The following NYAP1 variants were observed in gnomAD, a reference collection of about 807,000 sequenced individuals.
NYAP1 encodes neuronal tyrosine phosphorylated phosphoinositide-3-kinase adaptor 1.
In NYAP1, 20 loss-of-function variants were observed where a neutral mutation model predicts 58.6. That is an observed-to-expected ratio of 0.34 (90% CI 0.24 to 0.50). The LOEUF (loss-of-function observed/expected upper bound fraction) is 0.50, where lower values mean the gene tolerates loss of function less well. NYAP1 is among the 20% of genes least tolerant of loss of function. NYAP1 has a pLI of 0.98. For synonymous variants in NYAP1, 572 were observed against 523.1 expected, an observed-to-expected ratio of 1.09 and a Z score of -1.27; for missense variants, 1,150 against 1,194.5, an observed-to-expected ratio of 0.96 and a Z score of 0.55.
Position 100,485,420 on chromosome 7 carries a change from T to A in NYAP1, c.68+41T>A. 1.4e-6 allele frequency: 2 copies of A among 1,480,938 alleles called. No individual in the cohort carries two copies. Among genetic ancestry groups the A allele is most frequent in the South Asian group, 1.2e-5 (1 of 83,016 alleles). 91.7% of individuals were successfully genotyped at this position (1,480,938 alleles called of 1,614,324 possible). On this transcript the variant is annotated intron_variant, in intron 2 of 6. Coordinates refer to ENST00000300179, the MANE Select transcript of NYAP1 (RefSeq NM_173564.4). This position sits in a 1 kb window ranked among gnomAD's most constrained non-coding sequence, Gnocchi z 5.7. ...AGACTGCTCCCTTCCCTTCCGCACC[T>A]CTGCCTGCCCCCTCACTGGGCCACA... is the stretch of plus-strand genomic sequence containing the variant.
rs1799751175 is a variant in NYAP1 at position 100,489,091 on chromosome 7, C to T, written c.1370C>T (p.Ala457Val). Residue 457 changes from alanine to valine, a missense_variant, in exon 4 of 7, where the codon GCC becomes GTC. Ala to Val is a moderately conservative substitution (Grantham distance 64). Transcript: ENST00000300179. ...CTCCCCGGCCCCCCCAAGGACAAGG[C>T]CGTGTCTTACACCATGGTGTACTCG... ...ALLPGPPKDK[A>V]VSYTMVYSAV... The T allele has an allele frequency of 6.4e-7, 1 of 1,564,918 alleles. No individual in the cohort carries two copies. The highest frequency in any genetic ancestry group is 1.3e-5 in the African/African-American group (1 of 74,102).
intron 4 of NYAP1, among the ~76,000 whole-genome samples, 176 bp downstream of exon 4, chr7:100,489,842 C>T (rs1799770158): frequency 6.6e-6 from 1 of 152,106 alleles, no homozygotes; most frequent in Non-Finnish European, 1.5e-5. Context: ...AGACCGGGGT[C>T]CCCCAGTGTG....
chr7:100,486,427 C>G lies in NYAP1; in HGVS notation c.69-394C>G, dbSNP rs577012987. 1.6e-4 allele frequency among the ~76,000 whole-genome samples: 24 copies of G among 152,148 alleles called. No individual in the cohort carries two copies. The highest frequency in any genetic ancestry group is 1.4e-3 in the Admixed American group (22 of 15,278). Reference sequence around the variant, plus strand: ...GCTGGGCAGGAGGGGTAACCAGAGGCCAGGTGTGGGCCACTGTGAGAGTGA... The same window carrying G: ...GCTGGGCAGGAGGGGTAACCAGAGGGCAGGTGTGGGCCACTGTGAGAGTGA... On this transcript the variant is annotated intron_variant, in intron 2 of 6. Coordinates refer to ENST00000300179, the MANE Select transcript of NYAP1 (RefSeq NM_173564.4). The surrounding 1 kb of genome is among the most constrained non-coding windows in gnomAD (Gnocchi z 6.2).
At position 100,494,020 on chromosome 7, in the gene NYAP1, A is replaced by G; in HGVS notation, c.*117A>G. On this transcript the variant is annotated 3_prime_UTR_variant, in exon 7 of 7. Coordinates refer to ENST00000300179, the MANE Select transcript of NYAP1 (RefSeq NM_173564.4). ...ACTACGTGGGAGAGTGCCAGGGAGA[A>G]CCCCTGCCCTCCAACCTACCCCCCG... The G allele has an allele frequency of 1.1e-6, 1 of 934,276 alleles. No homozygotes were observed. The highest frequency in any genetic ancestry group is 2.0e-5 in the South Asian group (1 of 49,528). The allele number at this position is 934,276 out of a possible 1,614,324, so 57.9% of individuals were successfully genotyped here. A position where few individuals can be genotyped will look rare whatever the true frequency, so the allele number is the denominator to read the frequency against.
chr7:100,491,462 C>T (rs1422291610), intron 6 of NYAP1, among the ~76,000 whole-genome samples: 2 of 151,788 alleles, frequency 1.3e-5, no homozygotes, highest in African/African-American at 2.4e-5. Flanking sequence ...TCAGGTGTGC[C>T]GTCGCAAGCC....
intron 6 of NYAP1, among the ~76,000 whole-genome samples, chr7:100,493,435 A>G (rs1332942486): frequency 2.6e-5 from 4 of 152,192 alleles, no homozygotes; most frequent in Non-Finnish European, 5.9e-5. Flanking sequence ...CCTGTCTAGG[A>G]AGACTAGGGA....
At chr7:100,492,994 A>G (rs1362588990) in intron 6 of NYAP1, among the ~76,000 whole-genome samples, 2 of 152,066 alleles carry the variant, frequency 1.3e-5, no homozygotes, top group Admixed American at 1.3e-4. Context: ...AGAAAGCAAG[A>G]AAGAAAAGAG....
intron 6 of NYAP1, among the ~76,000 whole-genome samples, chr7:100,492,398 G>T (rs1232685166): frequency 3.9e-5 from 6 of 152,078 alleles, no homozygotes; most frequent in Non-Finnish European, 8.8e-5. Context: ...ATCAGTCAGG[G>T]CCACCACTAG....
At chr7:100,493,014 AAGGG>A (rs1252829554) in intron 6 of NYAP1, among the ~76,000 whole-genome samples, 2 of 151,908 alleles carry the variant, frequency 1.3e-5, no homozygotes, top group African/African-American at 4.8e-5. Context: ...GAAAGAAAGA[AAGGG>A]AGGAAAGGAG....
At position 100,489,572 on chromosome 7, in the gene NYAP1, GGAA is replaced by G; in HGVS notation, c.1857_1859del (p.Glu621del). Reference sequence around the variant, plus strand: ...TCGCCAGCGCAGGGACACCAGAGGAGGAAGAAGAGGAGGTGGGCGCCGCGACAT... The same window carrying G: ...TCGCCAGCGCAGGGACACCAGAGGAGGAAGAGGAGGTGGGCGCCGCGACAT... On this transcript the variant is annotated inframe_deletion, in exon 4 of 7. Coordinates refer to ENST00000300179, the MANE Select transcript of NYAP1 (RefSeq NM_173564.4). The G allele has an allele frequency of 6.2e-7, 1 of 1,613,332 alleles. No individual in the cohort carries two copies. Among genetic ancestry groups the G allele is most frequent in the Non-Finnish European group, 8.5e-7 (1 of 1,179,966 alleles).
In NYAP1 at chr7:100,493,520, C is replaced by T. The variant is rs1310509704; in HGVS notation, c.2269-126C>T. Reference sequence around the variant, plus strand: ...ACAGCCAGAGGGAGCCAGCAGAGGCCGTTGGGGGGCAAGCAAGGACTTGCT... The same window carrying T: ...ACAGCCAGAGGGAGCCAGCAGAGGCTGTTGGGGGGCAAGCAAGGACTTGCT... On this transcript the variant is annotated intron_variant, in intron 6 of 6. Coordinates refer to ENST00000300179, the MANE Select transcript of NYAP1 (RefSeq NM_173564.4). The T allele has an allele frequency of 3.2e-5, 28 of 878,236 alleles. No homozygotes were observed. The Admixed American group carries it at 7.1e-4, about 22-fold the overall frequency. The allele number at this position is 878,236 out of a possible 1,614,324, so 54.4% of individuals were successfully genotyped here. A position where few individuals can be genotyped will look rare whatever the true frequency, so the allele number is the denominator to read the frequency against.
intron 6 of NYAP1, among the ~76,000 whole-genome samples, chr7:100,492,115 C>G (rs1799804468): frequency 6.7e-6 from 1 of 148,266 alleles, no homozygotes; most frequent in East Asian, 2.0e-4. Flanking sequence ...GGCAGGCACC[C>G]GTAATCCCAG....
At position 100,489,278 on chromosome 7, in the gene NYAP1, C is replaced by T. The variant is rs61385156; in HGVS notation, c.1557C>T (p.Gly519=). 1.4e-3 allele frequency: 2,313 copies of T among 1,599,632 alleles called. 34 individuals are homozygous for T. The African/African-American group carries it at 0.025, about 17-fold the overall frequency. ...GKTSPHGGAM[G]AAAGVLHHRG... ...CCAGCCCCCACGGTGGGGCCATGGG[C>T]GCAGCAGCTGGGGTCCTCCACCACC... The change falls in exon 4 of 7, where the codon GGC becomes GGT. Residue 519 remains glycine, a synonymous_variant. Transcript: ENST00000300179.
Position 100,488,266 on chromosome 7 carries a change from C to G in NYAP1, c.545C>G (p.Pro182Arg), listed in dbSNP as rs202194930. The G allele has an allele frequency of 1.9e-6, 3 of 1,613,864 alleles. No individual in the cohort carries two copies. Among genetic ancestry groups the G allele is most frequent in the Non-Finnish European group, 2.5e-6 (3 of 1,179,926 alleles). Residue 182 changes from proline to arginine, a missense_variant, in exon 4 of 7, where the codon CCA becomes CGA. Physicochemically the swap from Pro to Arg is moderately radical, Grantham distance 103. Transcript: ENST00000300179. The surrounding 1 kb of genome is among the most constrained non-coding windows in gnomAD (Gnocchi z 5.9). ...LSVSFDESCP[P>R]GPSPRGGNLP... The stretch of plus-strand genomic sequence containing the variant: ...GTCTCCTTCGATGAGTCCTGCCCCC[C>G]AGGCCCCTCTCCTCGAGGGGGGAAC...
Position 100,487,190 on chromosome 7 carries a change from AC to A in NYAP1, c.430+13del. The stretch of plus-strand genomic sequence containing the variant: ...CCCCCAGCAAGAAAGCAGGTGAGAT[AC>A]CCCCTATCTCTCCCTGGGGTGGAGC... On this transcript the variant is annotated intron_variant, in intron 3 of 6. Transcript: ENST00000300179. The surrounding 1 kb of genome is among the most constrained non-coding windows in gnomAD (Gnocchi z 4.1). The A allele has an allele frequency of 1.4e-6, 2 of 1,475,412 alleles. No homozygotes were observed. The highest frequency in any genetic ancestry group is 9.0e-7 in the Non-Finnish European group (1 of 1,114,126). The allele number at this position is 1,475,412 out of a possible 1,614,324, so 91.4% of individuals were successfully genotyped here.
At chr7:100,493,054 G>A (rs1012571039) in intron 6 of NYAP1, among the ~76,000 whole-genome samples, 27 of 152,032 alleles carry the variant, frequency 1.8e-4, no homozygotes, top group African/African-American at 6.5e-4. Flanking sequence ...GTCTACCCTT[G>A]CCCCAGCTGG....
rs922189534 is a variant in NYAP1, at chr7:100,494,386, C to G, written c.*483C>G. ...CGATTCTGGGCCTTTCTGACCTACTCCTGAGCTAGGAGTGGAGAATCAGGG... is the reference window on the plus strand; with the variant it reads ...CGATTCTGGGCCTTTCTGACCTACTGCTGAGCTAGGAGTGGAGAATCAGGG... On this transcript the variant is annotated 3_prime_UTR_variant, in exon 7 of 7. Transcript: ENST00000300179. 1 of 152,904 alleles carries G rather than the reference C, an allele frequency of 6.5e-6. No individual in the cohort carries two copies. The highest frequency in any genetic ancestry group is 2.4e-5 in the African/African-American group (1 of 41,330). 9.5% of individuals were successfully genotyped at this position (152,904 alleles called of 1,614,324 possible). A position where few individuals can be genotyped will look rare whatever the true frequency, so the allele number is the denominator to read the frequency against.
In NYAP1 at chr7:100,488,732, C is replaced by T. The variant is rs776430302; in HGVS notation, c.1011C>T (p.Leu337=). 1 of 1,609,004 alleles carries T rather than the reference C, an allele frequency of 6.2e-7. No individual in the cohort carries two copies. The highest frequency in any genetic ancestry group is 8.5e-7 in the Non-Finnish European group (1 of 1,177,950). The change falls in exon 4 of 7, where the codon CTC becomes CTT. Residue 337 remains leucine, a synonymous_variant. Transcript: ENST00000300179. The surrounding 1 kb of genome is among the most constrained non-coding windows in gnomAD (Gnocchi z 5.9). The part of the protein sequence containing the change: ...FPNLLQHRPP[L]LAFPQAKSAS... The stretch of plus-strand genomic sequence containing the variant: ...ACCTCCTTCAGCACCGGCCTCCACT[C>T]CTGGCCTTCCCCCAAGCCAAGTCTG...
At position 100,493,390 on chromosome 7, in the gene NYAP1, A is replaced by G. The variant is rs1799823222; in HGVS notation, c.2269-256A>G. 2.6e-5 allele frequency among the ~76,000 whole-genome samples: 4 copies of G among 152,280 alleles called. No individual in the cohort carries two copies. The South Asian group carries it at 8.3e-4, about 32-fold the overall frequency. On this transcript the variant is annotated intron_variant, in intron 6 of 6. Coordinates refer to ENST00000300179, the MANE Select transcript of NYAP1 (RefSeq NM_173564.4). Reference sequence around the variant, plus strand: ...AGACAAAAGAAAGAAAAAAAAGGGGAGATCCCTTCTAGGGGGACCAACTTA... The same window carrying G: ...AGACAAAAGAAAGAAAAAAAAGGGGGGATCCCTTCTAGGGGGACCAACTTA...
Sources: allele counts gnomAD v4.1 joint callset (sites outside exome capture counted in the v4.1 genomes callset), GRCh38; gene constraint gnomAD v4.1.1; non-coding constraint Gnocchi (gnomAD v3.1); transcripts MANE v1.5; gene names NCBI Gene and HGNC (gene_info 2026-07-23, HGNC 2026-07-21).